DLG2: variants seen among roughly 807,000 people sequenced by gnomAD.
DLG2 encodes disks large homolog 2.
In DLG2, 45 loss-of-function variants were observed where a neutral mutation model predicts 132.5. The observed-to-expected ratio is 0.34, with a 90% CI of 0.27 to 0.44. DLG2 has a LOEUF of 0.44. Among genes scored for constraint, DLG2 ranks in the 20% least tolerant of loss-of-function variants. DLG2 has a pLI of 1.00. For missense variants in DLG2, 1,045 were observed against 1,196.9 expected (o/e 0.87, Z 1.87); for synonymous variants, 424 against 419.6 (o/e 1.01, Z -0.13).
At chr11:84,085,432 T>C (rs2096962905) in intron 10 of DLG2, among the ~76,000 whole-genome samples, 1 of 152,138 alleles carries the variant, frequency 6.6e-6, no homozygotes, top group Admixed American at 6.5e-5. Flanking sequence ...CTTTGGTATA[T>C]GAATCTAATG....
chr11:84,146,135 C>T (rs2095071703), intron 9 of DLG2, among the ~76,000 whole-genome samples: 1 of 152,116 alleles, frequency 6.6e-6, no homozygotes, highest in African/African-American at 2.4e-5. Flanking sequence ...AAAAATTGCT[C>T]TTTCATTCTT....
chr11:84,164,835 G>A (rs556552699), intron 8 of DLG2, among the ~76,000 whole-genome samples: 2 of 152,284 alleles, frequency 1.3e-5, no homozygotes, highest in African/African-American at 4.8e-5. Flanking sequence ...GCTAATTGGT[G>A]AATCACAATT....
chr11:85,013,995 C>CTAAATTAA (rs1456414009), intron 6 of DLG2, among the ~76,000 whole-genome samples: 3 of 152,062 alleles, frequency 2.0e-5, no homozygotes, highest in Non-Finnish European at 2.9e-5. Flanking sequence ...CACTTTATTA[C>CTAAATTAA]TAAATTAATT....
chr11:84,525,662 G>C (rs2099318078), intron 7 of DLG2, among the ~76,000 whole-genome samples: 1 of 152,034 alleles, frequency 6.6e-6, no homozygotes, highest in Non-Finnish European at 1.5e-5. Context: ...TGCATATCAG[G>C]TCATGTCATT....
chr11:83,616,568 T>A (rs1256350756), intron 19 of DLG2, among the ~76,000 whole-genome samples: 9 of 152,214 alleles, frequency 5.9e-5, no homozygotes, highest in Non-Finnish European at 1.2e-4. Flanking sequence ...TTTCCAGATG[T>A]CTGGATTACA....
At chr11:83,532,927 A>G (rs1360722637) in intron 20 of DLG2, 144 bp from the exon 21 acceptor site, 2 of 701,954 alleles carry the variant, frequency 2.8e-6, no homozygotes, top group Admixed American at 3.3e-5. Flanking sequence ...TTTGTTCCAT[A>G]TAAAAAATCT....
intron 18 of DLG2, among the ~76,000 whole-genome samples, chr11:83,723,004 A>G (rs2089072826): frequency 6.6e-6 from 1 of 152,104 alleles, no homozygotes; most frequent in Non-Finnish European, 1.5e-5. Flanking sequence ...GCTATGTTAC[A>G]TGCATGTGGA....
intron 18 of DLG2, among the ~76,000 whole-genome samples, chr11:83,702,366 T>C (rs1440763372): frequency 1.3e-5 from 2 of 152,226 alleles, no homozygotes; most frequent in African/African-American, 2.4e-5. Context: ...CACAATTTCC[T>C]TATCTACAAA....
intron 17 of DLG2, among the ~76,000 whole-genome samples, chr11:83,811,661 T>A (rs1337430700): frequency 6.6e-6 from 1 of 152,150 alleles, no homozygotes; most frequent in East Asian, 1.9e-4. Flanking sequence ...AAGTTTAAAT[T>A]TGAGTTAAAT....
At chr11:83,553,327 C>A (rs1301674092) in intron 19 of DLG2, among the ~76,000 whole-genome samples, 2 of 151,952 alleles carry the variant, frequency 1.3e-5, no homozygotes, top group Non-Finnish European at 2.9e-5. Context: ...AGAATTTTTC[C>A]TTTTTTGGTA....
chr11:84,594,617 T>C (rs542189564), intron 6 of DLG2, among the ~76,000 whole-genome samples: 28 of 152,174 alleles, frequency 1.8e-4, no homozygotes, highest in Non-Finnish European at 2.5e-4. Context: ...GCTGGAAAAT[T>C]AGACTAGGCC....
intron 7 of DLG2, among the ~76,000 whole-genome samples, chr11:84,260,588 T>A (rs1351094224): frequency 6.6e-6 from 1 of 152,222 alleles, no homozygotes; most frequent in African/African-American, 2.4e-5. Context: ...ATTAACCAAC[T>A]ACCTACTGTG....
chr11:85,466,241 T>C (rs1415153284), intron 3 of DLG2, among the ~76,000 whole-genome samples: 2 of 152,222 alleles, frequency 1.3e-5, no homozygotes, highest in Non-Finnish European at 2.9e-5. Context: ...TTGCAAAAAT[T>C]TTCTCCCATT....
chr11:85,216,756 G>T (rs1379413891), intron 4 of DLG2, among the ~76,000 whole-genome samples: 1 of 152,004 alleles, frequency 6.6e-6, no homozygotes, highest in Non-Finnish European at 1.5e-5. Flanking sequence ...GAGTGCAGTG[G>T]CTGAATCTTG....
chr11:83,932,455 T>C (rs2080472012), intron 14 of DLG2, among the ~76,000 whole-genome samples: 2 of 152,004 alleles, frequency 1.3e-5, no homozygotes, highest in Admixed American at 6.6e-5. Flanking sequence ...AGGATGGTCT[T>C]GATCTCCTGA....
At chr11:83,585,584 G>T (rs1446012360) in intron 19 of DLG2, among the ~76,000 whole-genome samples, 1 of 152,178 alleles carries the variant, frequency 6.6e-6, no homozygotes, top group East Asian at 1.9e-4. Flanking sequence ...GGGACTCAAG[G>T]ATGAATAACT....
intron 19 of DLG2, among the ~76,000 whole-genome samples, chr11:83,571,890 C>T (rs1481571705): frequency 6.6e-5 from 10 of 151,842 alleles, no homozygotes; most frequent in African/African-American, 2.4e-4. Context: ...ATCAAGCACT[C>T]ATTTAAAAAA....
chr11:83,591,756 C>T (rs1053893106), intron 19 of DLG2, among the ~76,000 whole-genome samples: 11 of 152,162 alleles, frequency 7.2e-5, no homozygotes, highest in Admixed American at 6.5e-4. Context: ...TTGTCTCAGC[C>T]CAAAACCTCC....
At chr11:84,445,121 C>T (rs1397760970) in intron 7 of DLG2, among the ~76,000 whole-genome samples, 4 of 152,040 alleles carry the variant, frequency 2.6e-5, no homozygotes, top group African/African-American at 4.8e-5. Flanking sequence ...CTATTGTACG[C>T]TATTTTAATT....
Sources: allele counts gnomAD v4.1 joint callset (sites outside exome capture counted in the v4.1 genomes callset), GRCh38; gene constraint gnomAD v4.1.1; transcripts MANE v1.5; gene names NCBI Gene and HGNC (gene_info 2026-07-23, HGNC 2026-07-21).